The following GARNL3 variants were observed in gnomAD, a reference collection of about 807,000 sequenced individuals.
GARNL3 encodes the protein GTPase activating Rap/RanGAP domain like 3.
In GARNL3, 63 loss-of-function variants were observed where a neutral mutation model predicts 125.0. That is an observed-to-expected ratio of 0.50 (90% CI 0.41 to 0.62). The LOEUF is 0.62. Among genes scored for constraint, GARNL3 ranks in the 20% least tolerant of loss-of-function variants. The pLI is 0.00. For synonymous variants in GARNL3, 439 were observed against 457.5 expected (o/e 0.96, Z 0.52); for missense variants, 994 against 1,244.0 (o/e 0.80, Z 3.02).
upstream of GARNL3, chr9:127,264,710 T>C: frequency 8.1e-7 from 1 of 1,238,676 alleles, no homozygotes. Flanking sequence ...TTTAATTGAA[T>C]CATTGCCTAT....
chr9:127,319,312 G>A (rs556786361), intron 5 of GARNL3, among the ~76,000 whole-genome samples: 6 of 152,034 alleles, frequency 3.9e-5, no homozygotes, highest in East Asian at 1.9e-4. Flanking sequence ...GTGAAACCCC[G>A]TCTCTACTAA....
chr9:127,332,568 G>A (rs151086557), intron 8 of GARNL3, among the ~76,000 whole-genome samples: 6 of 152,176 alleles, frequency 3.9e-5, no homozygotes, highest in South Asian at 2.1e-4. Context: ...TCACTGTTCC[G>A]GGCACTGGAG....
At position 127,345,457 on chromosome 9, in the gene GARNL3, T is replaced by G. The variant is rs139843232; in HGVS notation, c.1411T>G (p.Ser471Ala). The change falls in exon 16 of 28, where the codon TCA becomes GCA. Residue 471 changes from serine to alanine, a missense_variant. Physicochemically the swap from Ser to Ala is moderately conservative, Grantham distance 99. Coordinates refer to ENST00000373387, the MANE Select transcript of GARNL3 (RefSeq NM_032293.5). ...RGDAPSSLAA[S>A]GICKKEPWEP... ...GGATGCTCCATCAAGCTTGGCAGCT[T>G]CAGGGATCTGTAAAAAAGAGGTGAG... The G allele has an allele frequency of 2.5e-5, 40 of 1,607,494 alleles. No individual in the cohort carries two copies. Among genetic ancestry groups the G allele is most frequent in the Non-Finnish European group, 3.3e-5 (39 of 1,176,414 alleles).
At chr9:127,230,330 A>G (rs2062978818) in intron 1 of GARNL3, among the ~76,000 whole-genome samples, 1 of 152,230 alleles carries the variant, frequency 6.6e-6, no homozygotes, top group Non-Finnish European at 1.5e-5. Context: ...TACCTGGCAC[A>G]AAGCTTTAGT....
intron 16 of GARNL3, among the ~76,000 whole-genome samples, chr9:127,347,265 T>TA (rs893212705): frequency 1.3e-4 from 19 of 151,422 alleles, no homozygotes; most frequent in Non-Finnish European, 2.9e-5. Flanking sequence ...CAAAAAAAAT[T>TA]AAAAAAATTA....
intron 1 of GARNL3, chr9:127,225,247 C>A (rs978246904): frequency 1.8e-6 from 1 of 556,060 alleles, no homozygotes; most frequent in Admixed American, 6.5e-5. Context: ...GCGCGCGAGC[C>A]GAGCGGCCGG....
chr9:127,261,585 T>A (rs1016242909), upstream of GARNL3, among the ~76,000 whole-genome samples: 11 of 151,464 alleles, frequency 7.3e-5, no homozygotes, highest in African/African-American at 2.7e-4. Context: ...TAATTTTGTA[T>A]TTTTTTTAGT....
rs1832371666 is a variant in GARNL3 at position 127,383,380 on chromosome 9, T to C, written c.2162-58T>C. On this transcript the variant is annotated intron_variant, in intron 22 of 27. Coordinates refer to ENST00000373387, the MANE Select transcript of GARNL3 (RefSeq NM_032293.5). Reference sequence around the variant, plus strand: ...TGTTGCCTGTTTTTCATTTCTTTAATTACAGTCATCTAAGTGTTGTCTCTA... The same window carrying C: ...TGTTGCCTGTTTTTCATTTCTTTAACTACAGTCATCTAAGTGTTGTCTCTA... 9 of 1,050,408 alleles carry C rather than the reference T, an allele frequency of 8.6e-6. No individual in the cohort carries two copies. The Admixed American group carries it at 1.3e-4, about 15-fold the overall frequency. 65.1% of individuals were successfully genotyped at this position (1,050,408 alleles called of 1,614,324 possible). A position where few individuals can be genotyped will look rare whatever the true frequency, so the allele number is the denominator to read the frequency against.
In GARNL3 at chr9:127,345,447, CT is replaced by C. The variant is rs753015856; in HGVS notation, c.1403del (p.Leu468TrpfsTer45). On this transcript the variant is annotated frameshift_variant, in exon 16 of 28. Transcript: ENST00000373387. LOFTEE classifies it high-confidence loss of function. ...TTGTGAGAGGGGATGCTCCATCAAG[CT>C]TGGCAGCTTCAGGGATCTGTAAAAA... ...SIVRGDAPSS[L>X]AASGICKKEP... is the part of the protein sequence containing the mutation. 1 of 1,608,546 alleles carries C rather than the reference CT, an allele frequency of 6.2e-7. No homozygotes were observed. Among genetic ancestry groups the C allele is most frequent in the Non-Finnish European group, 8.5e-7 (1 of 1,177,116 alleles).
At chr9:127,320,856 C>A in intron 6 of GARNL3, 78 bp downstream of exon 6, 1 of 991,294 alleles carries the variant, frequency 1.0e-6, no homozygotes, top group Non-Finnish European at 1.6e-6. Context: ...TCATCATAAT[C>A]CTTATCCTGG....
At chr9:127,269,789 T>TG (rs1554896128) in intron 1 of GARNL3, among the ~76,000 whole-genome samples, 2 of 149,002 alleles carry the variant, frequency 1.3e-5, no homozygotes, top group South Asian at 2.1e-4. Flanking sequence ...TTTTTGTGTT[T>TG]TTTTTTTTTT....
chr9:127,349,691 A>G (rs1279424186), intron 17 of GARNL3, among the ~76,000 whole-genome samples: 1 of 152,190 alleles, frequency 6.6e-6, no homozygotes, highest in Admixed American at 6.5e-5. Flanking sequence ...CCCTTCCATC[A>G]GGAGTCCCCT....
chr9:127,260,188 C>T (rs2063561062), upstream of GARNL3, among the ~76,000 whole-genome samples: 1 of 152,164 alleles, frequency 6.6e-6, no homozygotes, highest in African/African-American at 2.4e-5. Context: ...GCATCTCCTC[C>T]CATGGATAGA....
At chr9:127,291,021 T>C in intron 1 of GARNL3, 147 bp from the exon 2 acceptor site, 1 of 718,150 alleles carries the variant, frequency 1.4e-6, no homozygotes, top group Non-Finnish European at 2.3e-6. Context: ...TATGAGTACC[T>C]GCCTGATAGA....
intron 13 of GARNL3, among the ~76,000 whole-genome samples, chr9:127,340,071 A>G (rs1359014938): frequency 6.6e-6 from 1 of 151,574 alleles, no homozygotes; most frequent in African/African-American, 2.4e-5. Context: ...ATGTATCTGT[A>G]TCTGTCAGAG....
chr9:127,280,758 C>T lies in GARNL3; in HGVS notation c.145-10410C>T, dbSNP rs966864182. 1.3e-5 allele frequency among the ~76,000 whole-genome samples: 2 copies of T among 152,064 alleles called. No homozygotes were observed. The highest frequency in any genetic ancestry group is 4.8e-5 in the African/African-American group (2 of 41,382). ...TCAGATATGATTTTAATTAGAAAGC[C>T]AAGACAGGTATATTTTGAGCTGGAA... On this transcript the variant is annotated intron_variant, in intron 1 of 27. Transcript: ENST00000373387. The surrounding 1 kb of genome is among the most constrained non-coding windows in gnomAD (Gnocchi z 4.5).
upstream of GARNL3, chr9:127,264,250 C>T (rs955525643): frequency 2.6e-5 from 8 of 311,168 alleles, no homozygotes; most frequent in Non-Finnish European, 4.6e-5. Context: ...AGGATGAAAA[C>T]GTAGTAACAA....
At chr9:127,272,772 T>G (rs1308450636) in intron 1 of GARNL3, among the ~76,000 whole-genome samples, 1 of 152,206 alleles carries the variant, frequency 6.6e-6, no homozygotes, top group African/African-American at 2.4e-5. Flanking sequence ...GTACAAAGTA[T>G]ATCAGAACAT....
chr9:127,356,070 T>C (rs1830673185), intron 20 of GARNL3, among the ~76,000 whole-genome samples: 1 of 152,170 alleles, frequency 6.6e-6, no homozygotes, highest in African/African-American at 2.4e-5. Flanking sequence ...GGAAATATAC[T>C]CTTGAGCCCT....
Sources: allele counts gnomAD v4.1 joint callset (sites outside exome capture counted in the v4.1 genomes callset), GRCh38; gene constraint gnomAD v4.1.1; non-coding constraint Gnocchi (gnomAD v3.1); transcripts MANE v1.5; gene names NCBI Gene and HGNC (gene_info 2026-07-23, HGNC 2026-07-21).